The following RYR3 variants were observed in gnomAD, a reference collection of about 807,000 sequenced individuals.
RYR3 encodes the protein brain ryanodine receptor-calcium release channel.
In RYR3, 207 loss-of-function variants were observed where a neutral mutation model predicts 584.3. The ratio of observed to expected loss-of-function variants is 0.35; its 90% CI spans 0.32 to 0.40. The LOEUF (loss-of-function observed/expected upper bound fraction) is 0.40. RYR3 is among the 10% of genes least tolerant of loss of function. RYR3 has a pLI of 1.00. For missense variants in RYR3, 5,616 were observed against 6,089.2 expected (o/e 0.92, Z 2.59); for synonymous variants, 2,416 against 2,248.5 (o/e 1.07, Z -2.11).
chr15:33,796,436 A>G (rs553311505), intron 67 of RYR3, among the ~76,000 whole-genome samples: 1 of 152,094 alleles, frequency 6.6e-6, no homozygotes, highest in South Asian at 2.1e-4. Flanking sequence ...GACCAGCCCC[A>G]TTTGTCTTTT....
intron 3 of RYR3, 128 bp from the exon 4 acceptor site, chr15:33,530,464 A>G: frequency 1.5e-6 from 1 of 665,578 alleles, no homozygotes; most frequent in Non-Finnish European, 2.7e-6. Context: ...TGCTTCTGGA[A>G]TGAATTCCTT....
Position 33,580,157 on chromosome 15 carries a change from A to G in RYR3, c.1437+13A>G. The G allele has an allele frequency of 6.3e-7, 1 of 1,579,422 alleles. No individual in the cohort carries two copies. Among genetic ancestry groups the G allele is most frequent in the Non-Finnish European group, 8.6e-7 (1 of 1,161,900 alleles). On this transcript the variant is annotated intron_variant, in intron 13 of 103. Coordinates refer to ENST00000634891, the MANE Select transcript of RYR3 (RefSeq NM_001036.6). ...TTTCAAGGAAGAGGTAAGTCGAAAA[A>G]TGAAAAGTTGAAATTCACTTAGTGT... is the stretch of plus-strand genomic sequence containing the variant.
At chr15:33,395,008 G>A (rs564519672) in intron 1 of RYR3, among the ~76,000 whole-genome samples, 14 of 152,280 alleles carry the variant, frequency 9.2e-5, no homozygotes, top group African/African-American at 3.4e-4. Flanking sequence ...GACTTAATTG[G>A]TATGGTATGG....
intron 69 of RYR3, among the ~76,000 whole-genome samples, chr15:33,803,547 C>T (rs1035223735): frequency 6.6e-5 from 10 of 152,086 alleles, no homozygotes; most frequent in Admixed American, 5.2e-4. Context: ...GATGGAGTCT[C>T]ACTCTGTTGC....
chr15:33,354,535 A>T (rs1176435824), intron 1 of RYR3, among the ~76,000 whole-genome samples: 1 of 152,212 alleles, frequency 6.6e-6, no homozygotes, highest in Non-Finnish European at 1.5e-5. Flanking sequence ...GTCAAGTATC[A>T]CTTCATAATG....
Position 33,648,692 on chromosome 15 carries a change from T to C in RYR3, c.3979-380T>C, listed in dbSNP as rs576234804. Among the ~76,000 whole-genome samples the C allele has an allele frequency of 5.3e-5, 8 of 152,348 alleles. No homozygotes were observed. In the South Asian group the frequency reaches 8.3e-4, roughly 16 times the overall value. ...GAGGGCAGGGACTGTGCCCGCTCTC[T>C]CCTGCAGCTCAGATCTGCCCTGGTG... On this transcript the variant is annotated intron_variant, in intron 30 of 103. Transcript: ENST00000634891.
intron 3 of RYR3, among the ~76,000 whole-genome samples, chr15:33,511,908 A>G (rs372051293): frequency 6.6e-6 from 1 of 152,002 alleles, no homozygotes; most frequent in Non-Finnish European, 1.5e-5. Context: ...CCTCCCGAGT[A>G]GCTGGGACTA....
intron 3 of RYR3, among the ~76,000 whole-genome samples, chr15:33,519,153 T>C (rs1170157986): frequency 6.6e-6 from 1 of 152,190 alleles, no homozygotes; most frequent in Admixed American, 6.5e-5. Flanking sequence ...GTTCAGGAAG[T>C]GTCCAGCTGA....
rs2054032128 is a variant in RYR3, at chr15:33,522,083, A to C, written c.280-8509A>C. 2.3e-5 allele frequency among the ~76,000 whole-genome samples: 3 copies of C among 129,528 alleles called. No individual in the cohort carries two copies. The Middle Eastern group carries it at 0.013, about 549-fold the overall frequency. 85.0% of individuals were successfully genotyped at this position (129,528 alleles called of 152,430 possible). A position where few individuals can be genotyped will look rare whatever the true frequency, so the allele number is the denominator to read the frequency against. ...AGCCTGGCCAATATGGCAAAACCCC[A>C]TCTCTACTTAAAAAAAAAAAAAAAA... On this transcript the variant is annotated intron_variant, in intron 3 of 103. Coordinates refer to ENST00000634891, the MANE Select transcript of RYR3 (RefSeq NM_001036.6).
Position 33,632,993 on chromosome 15 carries a change from C to G in RYR3, c.2912C>G (p.Ser971Cys). Residue 971 changes from serine (S) to cysteine (C), a missense_variant, in exon 24 of 104, where the codon TCT becomes TGT. Ser to Cys is a moderately radical substitution (Grantham distance 112). Around this residue, in one of 9 missense-constraint regions of RYR3, gnomAD observed 1,284 missense variants for 1,344.6 expected, o/e 0.95. Transcript: ENST00000634891. ...NGYKPAPLDL[S>C]DVKLLPPQEI... ...TATAAGCCAGCCCCTTTGGATTTGTCTGATGTGAAGCTGTTACCTCCTCAA... is the reference window on the plus strand; with the variant it reads ...TATAAGCCAGCCCCTTTGGATTTGTGTGATGTGAAGCTGTTACCTCCTCAA... 6.2e-7 allele frequency: 1 copy of G among 1,613,882 alleles called. No homozygotes were observed. The highest frequency in any genetic ancestry group is 1.1e-5 in the South Asian group (1 of 91,064).
At chr15:33,636,793 T>C (rs1259071663) in intron 27 of RYR3, among the ~76,000 whole-genome samples, 1 of 152,252 alleles carries the variant, frequency 6.6e-6, no homozygotes, top group Non-Finnish European at 1.5e-5. Flanking sequence ...ACCAAGAAGC[T>C]AATTCCCTCC....
chr15:33,654,984 T>C (rs2062738004), intron 32 of RYR3, among the ~76,000 whole-genome samples: 1 of 152,202 alleles, frequency 6.6e-6, no homozygotes, highest in Non-Finnish European at 1.5e-5. Flanking sequence ...TAAGAACAGA[T>C]GGACCAAACC....
At chr15:33,554,432 A>G (rs915715036) in intron 10 of RYR3, among the ~76,000 whole-genome samples, 2 of 151,820 alleles carry the variant, frequency 1.3e-5, no homozygotes, top group Non-Finnish European at 2.9e-5. Flanking sequence ...AGTAGCTGGG[A>G]CTACAGGCAC....
chr15:33,662,065 A>G, intron 34 of RYR3, 88 bp from the exon 35 acceptor site: 1 of 1,140,770 alleles, frequency 8.8e-7, no homozygotes, highest in Non-Finnish European at 1.2e-6. Context: ...CCTTCCACCC[A>G]CCCTGCCTTT....
chr15:33,851,985 C>G (rs2079148977), intron 94 of RYR3: 4 of 147,762 alleles, frequency 2.7e-5, no homozygotes, highest in Admixed American at 1.4e-4. Context: ...ATGTTTAAGA[C>G]AAAGAAACTG....
intron 1 of RYR3, among the ~76,000 whole-genome samples, chr15:33,461,007 T>C (rs2572191): frequency 0.58 from 81,984 of 140,602 alleles, 25,039 homozygotes; most frequent in African/African-American, 0.79. Flanking sequence ...TGCAGTGGCG[T>C]GATCTTGGCT....
intron 48 of RYR3, among the ~76,000 whole-genome samples, chr15:33,732,767 G>A (rs576404854): frequency 6.6e-6 from 1 of 152,326 alleles, no homozygotes; most frequent in South Asian, 2.1e-4. Flanking sequence ...TTAGGGATGG[G>A]ACCCAAGATT....
chr15:33,787,430 C>G (rs2074798420), intron 66 of RYR3, among the ~76,000 whole-genome samples: 1 of 151,944 alleles, frequency 6.6e-6, no homozygotes, highest in South Asian at 2.1e-4. Context: ...ATGCCTTAAG[C>G]TAAAGACACT....
chr15:33,716,590 A>G (rs1007892658), intron 43 of RYR3, among the ~76,000 whole-genome samples: 2 of 151,624 alleles, frequency 1.3e-5, no homozygotes, highest in African/African-American at 4.8e-5. Flanking sequence ...CCTCAAATAA[A>G]GAAGCCAATG....
Sources: allele counts gnomAD v4.1 joint callset (sites outside exome capture counted in the v4.1 genomes callset), GRCh38; gene constraint gnomAD v4.1.1; regional missense constraint gnomAD v4.1.1; transcripts MANE v1.5; gene names NCBI Gene and HGNC (gene_info 2026-07-23, HGNC 2026-07-21).